The following RPH3A variants were observed in gnomAD, a reference collection of about 807,000 sequenced individuals.
RPH3A encodes the protein rabphilin 3A, also known as rabphilin-3A.
Under a neutral mutation model 102.2 loss-of-function variants are expected in RPH3A, and 48 were observed. The ratio of observed to expected loss-of-function variants is 0.47; its 90% CI spans 0.37 to 0.60. The LOEUF (loss-of-function observed/expected upper bound fraction) is 0.60. Among genes scored for constraint, RPH3A ranks in the 20% least tolerant of loss-of-function variants. The pLI is 0.00. For missense variants in RPH3A, 781 were observed against 910.1 expected, an observed-to-expected ratio of 0.86 and a Z score of 1.83; for synonymous variants, 310 against 324.3, an observed-to-expected ratio of 0.96 and a Z score of 0.47.
intron 1 of RPH3A, among the ~76,000 whole-genome samples, chr12:112,641,974 G>A (rs2039894314): frequency 6.6e-6 from 1 of 152,298 alleles, no homozygotes; most frequent in East Asian, 1.9e-4. Context: ...GAGAGGTTAA[G>A]TGACTTACCC....
Position 112,766,886 on chromosome 12 carries a change from C to T in RPH3A, c.-139-25257C>T, listed in dbSNP as rs547446866. On this transcript the variant is annotated intron_variant, in intron 1 of 21. Coordinates refer to the RPH3A transcript ENST00000543106. ...CCCAGCAGCAGAAATATGACTGGAC[C>T]CAGGTGAGTGGGGTGACCACCTCTT... is the stretch of plus-strand genomic sequence containing the variant. Among the ~76,000 whole-genome samples, 12 of 152,234 alleles carry T rather than the reference C, an allele frequency of 7.9e-5. No homozygotes were observed. The South Asian group carries it at 2.5e-3, about 32-fold the overall frequency.
intron 8 of RPH3A, chr12:112,868,817 G>T: frequency 2.1e-6 from 1 of 467,210 alleles, no homozygotes; most frequent in Non-Finnish European, 3.8e-6. Context: ...CCGCCCAGAG[G>T]CTTCATTGTC....
At chr12:112,727,091 G>A (rs891821139) in intron 1 of RPH3A, among the ~76,000 whole-genome samples, 28 of 152,036 alleles carry the variant, frequency 1.8e-4, no homozygotes, top group African/African-American at 6.5e-4. Flanking sequence ...GCTTTCTCAG[G>A]TAAGGTGACA....
chr12:112,875,513 T>G (rs1254941878), intron 11 of RPH3A, among the ~76,000 whole-genome samples, 166 bp from the exon 12 acceptor site: 4 of 152,062 alleles, frequency 2.6e-5, no homozygotes, highest in African/African-American at 9.7e-5. Context: ...ATCCAAGTCT[T>G]TCTAAATCCA....
intron 4 of RPH3A, among the ~76,000 whole-genome samples, chr12:112,846,118 A>G (rs1005929771): frequency 2.0e-5 from 3 of 152,244 alleles, no homozygotes; most frequent in Non-Finnish European, 4.4e-5. Context: ...GACTTTGCAG[A>G]ATAAGCAAGA....
intron 1 of RPH3A, among the ~76,000 whole-genome samples, chr12:112,707,995 A>G (rs746238229): frequency 6.6e-6 from 1 of 152,226 alleles, no homozygotes; most frequent in Non-Finnish European, 1.5e-5. Context: ...TGATTGGTCA[A>G]AGAGTACGGG....
chr12:112,715,514 T>A (rs2040507530), intron 1 of RPH3A, among the ~76,000 whole-genome samples: 1 of 152,220 alleles, frequency 6.6e-6, no homozygotes, highest in South Asian at 2.1e-4. Context: ...CAATGGTGCC[T>A]AGCATTAGAA....
chr12:112,720,934 G>C (rs956277922), intron 1 of RPH3A, among the ~76,000 whole-genome samples: 1 of 152,218 alleles, frequency 6.6e-6, no homozygotes, highest in Non-Finnish European at 1.5e-5. Flanking sequence ...ACAGTGTGTA[G>C]AGCTTGGGTT....
chr12:112,881,948 T>C, intron 15 of RPH3A, 102 bp downstream of exon 15: 1 of 791,892 alleles, frequency 1.3e-6, no homozygotes, highest in Admixed American at 2.3e-5. Context: ...CTGCCCCAAA[T>C]CCCCAACCCC....
rs202194176 is a variant in RPH3A, at chr12:112,879,154, G to C, written c.1207G>C (p.Asp403His). The C allele has an allele frequency of 4.3e-6, 7 of 1,614,006 alleles. No homozygotes were observed. Among genetic ancestry groups the C allele is most frequent in the Non-Finnish European group, 5.9e-6 (7 of 1,179,962 alleles). Residue 403 changes from aspartate to histidine, a missense_variant, in exon 14 of 22, where the codon GAC becomes CAC. By Grantham distance (81) the Asp-to-His change is moderately conservative. Transcript: ENST00000389385. ...LGALEFSLLY[D>H]QDNSSLQCTI... The stretch of plus-strand genomic sequence containing the variant: ...TGCCCTGGAATTCAGCCTTCTCTAC[G>C]ACCAGGACAACAGCTCCCTGCAGTG...
intron 1 of RPH3A, among the ~76,000 whole-genome samples, chr12:112,751,844 T>C (rs1015589332): frequency 6.6e-6 from 1 of 152,210 alleles, no homozygotes; most frequent in Non-Finnish European, 1.5e-5. Flanking sequence ...GCAGCATAAA[T>C]TTTTAACCAA....
chr12:112,695,132 A>G (rs1277633786), intron 1 of RPH3A: 1 of 170,402 alleles, frequency 5.9e-6, no homozygotes, highest in Non-Finnish European at 1.5e-5. Context: ...TACATACACA[A>G]TTATTCATTG....
At chr12:112,633,440 A>G (rs1471302291) in intron 1 of RPH3A, among the ~76,000 whole-genome samples, 2 of 152,098 alleles carry the variant, frequency 1.3e-5, no homozygotes, top group African/African-American at 4.8e-5. Context: ...TCATGGATTA[A>G]TGGATTAATG....
intron 1 of RPH3A, among the ~76,000 whole-genome samples, chr12:112,717,447 T>G (rs2040521285): frequency 6.6e-6 from 1 of 152,150 alleles, no homozygotes. Context: ...GTTTTTGCCA[T>G]TACTTTTAAT....
At chr12:112,842,103 G>T in intron 4 of RPH3A, 1 of 448,688 alleles carries the variant, frequency 2.2e-6, no homozygotes, top group Non-Finnish European at 4.5e-6. Flanking sequence ...CCCACCCCTG[G>T]GTCAGTGACT....
intron 1 of RPH3A, among the ~76,000 whole-genome samples, chr12:112,641,666 G>A (rs1482123232): frequency 6.6e-6 from 1 of 152,124 alleles, no homozygotes; most frequent in Non-Finnish European, 1.5e-5. Context: ...CCAAAGTGCT[G>A]GGATTACAGG....
At chr12:112,678,496 T>TC in intron 1 of RPH3A, among the ~76,000 whole-genome samples, 1 of 151,880 alleles carries the variant, frequency 6.6e-6, no homozygotes. Context: ...AAAGCAGAGG[T>TC]AACGAAACAA....
At chr12:112,589,705 C>T (rs1443945189) in intron 1 of RPH3A, among the ~76,000 whole-genome samples, 2 of 152,200 alleles carry the variant, frequency 1.3e-5, no homozygotes, top group Admixed American at 6.5e-5. Flanking sequence ...CTCCCCTGCC[C>T]CTGCACCATT....
intron 1 of RPH3A, among the ~76,000 whole-genome samples, chr12:112,698,200 C>A (rs1187800581): frequency 6.6e-6 from 1 of 152,138 alleles, no homozygotes; most frequent in African/African-American, 2.4e-5. Context: ...AATTGGATAT[C>A]CACGTGGAAA....
Sources: allele counts gnomAD v4.1 joint callset (sites outside exome capture counted in the v4.1 genomes callset), GRCh38; gene constraint gnomAD v4.1.1; transcripts MANE v1.5; gene names NCBI Gene and HGNC (gene_info 2026-07-23, HGNC 2026-07-21).